The following RASGRF1 variants were observed in gnomAD, a reference collection of about 807,000 sequenced individuals.
RASGRF1 encodes the protein Ras protein specific guanine nucleotide releasing factor 1.
RASGRF1 carries 40 observed loss-of-function variants against 138.7 expected under a neutral mutation model. The ratio of observed to expected loss-of-function variants is 0.29; its 90% confidence interval spans 0.22 to 0.38. The LOEUF is 0.38. RASGRF1 is among the 10% of genes least tolerant of loss of function. RASGRF1 has a pLI of 1.00. For missense variants in RASGRF1, 1,108 were observed against 1,650.4 expected (o/e 0.67, Z 5.69); for synonymous variants, 614 against 663.2 (o/e 0.93, Z 1.14).
At chr15:78,982,636 C>G (rs148746694) in intron 23 of RASGRF1, among the ~76,000 whole-genome samples, 11 of 152,052 alleles carry the variant, frequency 7.2e-5, no homozygotes, top group Non-Finnish European at 1.3e-4. Flanking sequence ...AAGCAAGGAC[C>G]CTTGGAGTCA....
intron 24 of RASGRF1, among the ~76,000 whole-genome samples, chr15:78,976,582 A>G (rs897402195): frequency 1.3e-5 from 2 of 151,842 alleles, no homozygotes; most frequent in African/African-American, 4.9e-5. Context: ...ACACACACAC[A>G]CACCCATCCG....
chr15:79,083,014 A>G (rs1023728416), intron 1 of RASGRF1, among the ~76,000 whole-genome samples: 1 of 152,216 alleles, frequency 6.6e-6, no homozygotes, highest in Admixed American at 6.5e-5. Flanking sequence ...CGTGTAGTTT[A>G]ACACAGAGAT....
chr15:78,969,707 C>G (rs1342986389), intron 26 of RASGRF1, among the ~76,000 whole-genome samples: 2 of 152,084 alleles, frequency 1.3e-5, no homozygotes, highest in Non-Finnish European at 2.9e-5. Context: ...TTCTAGGATT[C>G]TATGGCCCCC....
chr15:79,057,328 G>T lies in RASGRF1; in HGVS notation c.531+1006C>A, dbSNP rs2057524513. On this transcript the variant is annotated intron_variant, in intron 3 of 26. Coordinates refer to ENST00000558480, the MANE Select transcript of RASGRF1 (RefSeq NM_001145648.3). ...GCACTTCCTGGCAGTCAGGGCAGGG[G>T]AGGCTACAGGTTGAGGTTGGGTGCT... 2.0e-5 allele frequency among the ~76,000 whole-genome samples: 3 copies of T among 152,242 alleles called. No individual in the cohort carries two copies. In the South Asian group the frequency reaches 6.2e-4, roughly 31 times the overall value.
At chr15:78,974,836 G>A (rs1159186414) in intron 24 of RASGRF1, among the ~76,000 whole-genome samples, 1 of 152,144 alleles carries the variant, frequency 6.6e-6, no homozygotes, top group Non-Finnish European at 1.5e-5. Flanking sequence ...TGGCATTCTT[G>A]TATTTACAGC....
chr15:79,021,980 AG>A (rs201283745), intron 10 of RASGRF1, among the ~76,000 whole-genome samples: 5,419 of 152,262 alleles, frequency 0.036, 239 homozygotes, highest in African/African-American at 0.11. Flanking sequence ...TACTCCTCAC[AG>A]CACTCCTGTA....
intron 22 of RASGRF1, among the ~76,000 whole-genome samples, chr15:78,986,699 T>C (rs937553971): frequency 2.0e-5 from 3 of 152,086 alleles, no homozygotes; most frequent in African/African-American, 4.8e-5. Context: ...AGACTACTAC[T>C]TTAAAAAAGG....
chr15:78,999,658 C>G, intron 17 of RASGRF1, 85 bp downstream of exon 17: 1 of 1,506,156 alleles, frequency 6.6e-7, no homozygotes, highest in Non-Finnish European at 9.1e-7. Context: ...CACAGCAGAG[C>G]AAGTCCCCGG....
chr15:78,979,140 A>G (rs1000118338), intron 24 of RASGRF1: 4 of 1,289,662 alleles, frequency 3.1e-6, no homozygotes, highest in African/African-American at 3.0e-5. Context: ...AGCACAGTCC[A>G]CAGGGGCTCT....
In RASGRF1 at chr15:79,032,103, C is replaced by G; in HGVS notation, c.1152+20G>C. ...CCTGCCTCCCTGACTCTACCCCACC[C>G]AGGCAGGGCCGGACGCCACCTGGAA... is the stretch of plus-strand genomic sequence containing the variant. On this transcript the variant is annotated intron_variant, in intron 7 of 26. Transcript: ENST00000558480. The surrounding 1 kb of genome is among the most constrained non-coding windows in gnomAD (Gnocchi z 4.5). 1 of 1,609,454 alleles carries G rather than the reference C, an allele frequency of 6.2e-7. No individual in the cohort carries two copies. The highest frequency in any genetic ancestry group is 1.1e-5 in the South Asian group (1 of 90,294).
intron 23 of RASGRF1, among the ~76,000 whole-genome samples, chr15:78,983,427 A>G (rs763809643): frequency 1.3e-5 from 2 of 152,216 alleles, no homozygotes; most frequent in Non-Finnish European, 2.9e-5. Context: ...AGAACAGAAG[A>G]TTTCAGGATG....
chr15:78,998,838 G>A lies in RASGRF1; in HGVS notation c.2747-13C>T, dbSNP rs377665273. On this transcript the variant is annotated splice_polypyrimidine_tract_variant and intron_variant, in intron 17 of 26. Transcript: ENST00000558480. Reference sequence around the variant, plus strand: ...TCTGGGGGAAACCCTGGCAGCATGCGTGGCAGAGGGGAGAGAGGACAGGTG... The same window carrying A: ...TCTGGGGGAAACCCTGGCAGCATGCATGGCAGAGGGGAGAGAGGACAGGTG... 147 of 1,592,612 alleles carry A rather than the reference G, an allele frequency of 9.2e-5. 2 individuals are homozygous for A. In the South Asian group the frequency reaches 1.4e-3, roughly 15 times the overall value.
At chr15:79,034,888 A>G (rs2057196505) in intron 6 of RASGRF1, among the ~76,000 whole-genome samples, 2 of 152,238 alleles carry the variant, frequency 1.3e-5, no homozygotes, top group Admixed American at 1.3e-4. Context: ...TTTTTCTTAA[A>G]TGGATGTGTA....
rs746060775 is a variant in RASGRF1, at chr15:78,991,643, C to CAGCCTGAGGA, written c.3131+47_3131+48insTCCTCAGGCT. On this transcript the variant is annotated intron_variant, in intron 21 of 26. Coordinates refer to ENST00000558480, the MANE Select transcript of RASGRF1 (RefSeq NM_001145648.3). ...TGTGCTTCCAGGGTGCTGTCCAAGA[C>CAGCCTGAGGA]AGTGCCTGAGGAAGCGGGGGGAGGC... 6.8e-6 allele frequency: 10 copies of CAGCCTGAGGA among 1,472,676 alleles called. No individual in the cohort carries two copies. The East Asian group carries it at 2.0e-4, about 30-fold the overall frequency. 91.2% of individuals were successfully genotyped at this position (1,472,676 alleles called of 1,614,324 possible).
intron 22 of RASGRF1, among the ~76,000 whole-genome samples, chr15:78,987,648 A>G (rs1376595955): frequency 6.6e-6 from 1 of 152,148 alleles, no homozygotes; most frequent in Admixed American, 6.6e-5. Flanking sequence ...GTGAGCTGAG[A>G]TTGTACTACT....
rs1473632773 is a variant in RASGRF1 at position 79,046,136 on chromosome 15, G to T, written c.878+610C>A. Among the ~76,000 whole-genome samples, 1 of 152,194 alleles carries T rather than the reference G, an allele frequency of 6.6e-6. No individual in the cohort carries two copies. Among genetic ancestry groups the T allele is most frequent in the Admixed American group, 6.5e-5 (1 of 15,276 alleles). ...ATGCCAGGGTCACCATCTGGGAGAA[G>T]TGACTTCTTTGTAAGACATGTGGGT... On this transcript the variant is annotated intron_variant, in intron 5 of 26. Coordinates refer to ENST00000558480, the MANE Select transcript of RASGRF1 (RefSeq NM_001145648.3). The surrounding 1 kb of genome is among the most constrained non-coding windows in gnomAD (Gnocchi z 5.3).
At chr15:79,034,025 G>A (rs116291531) in intron 6 of RASGRF1, among the ~76,000 whole-genome samples, 50 of 152,282 alleles carry the variant, frequency 3.3e-4, no homozygotes, top group African/African-American at 1.1e-3. Flanking sequence ...CAGAATATGC[G>A]GACCCCATCT....
rs1172660889 is a variant in RASGRF1 at position 79,050,463 on chromosome 15, G to A, written c.532-875C>T. On this transcript the variant is annotated intron_variant, in intron 3 of 26. Transcript: ENST00000558480. This position sits in a 1 kb window ranked among gnomAD's most constrained non-coding sequence, Gnocchi z 4.1. Reference sequence around the variant, plus strand: ...ATTGTATCTGGATATAAATCAGATAGAGCAGGTGGCTCCGGGTGAAGTCCT... The same window carrying A: ...ATTGTATCTGGATATAAATCAGATAAAGCAGGTGGCTCCGGGTGAAGTCCT... Among the ~76,000 whole-genome samples, 2 of 152,116 alleles carry A rather than the reference G, an allele frequency of 1.3e-5. No homozygotes were observed. The highest frequency in any genetic ancestry group is 4.8e-5 in the African/African-American group (2 of 41,408).
rs28542432 is a variant in RASGRF1 at position 79,003,662 on chromosome 15, A to G, written c.2449+140T>C. ...GCCCAGACTCTGTGCTGCCTCCACT[A>G]TCTGCCTGGTGGGACCCCCAAGCCT... On this transcript the variant is annotated intron_variant, in intron 15 of 26. Transcript: ENST00000558480. 4.9e-4 allele frequency: 655 copies of G among 1,324,790 alleles called. 1 individual carries two copies. In the African/African-American group the frequency reaches 8.6e-3, roughly 17 times the overall value. 82.1% of individuals were successfully genotyped at this position (1,324,790 alleles called of 1,614,324 possible).
Sources: allele counts gnomAD v4.1 joint callset (sites outside exome capture counted in the v4.1 genomes callset), GRCh38; gene constraint gnomAD v4.1.1; non-coding constraint Gnocchi (gnomAD v3.1); transcripts MANE v1.5; gene names NCBI Gene and HGNC (gene_info 2026-07-23, HGNC 2026-07-21).